The following INTU variants were observed in gnomAD, a reference collection of about 807,000 sequenced individuals.
INTU encodes protein inturned.
Under a neutral mutation model 100.5 loss-of-function variants are expected in INTU, and 68 were observed. The observed-to-expected ratio is 0.68, with a 90% CI of 0.56 to 0.83. The LOEUF (loss-of-function observed/expected upper bound fraction) is 0.83. Ranked by LOEUF, INTU falls within the 40% of genes least tolerant of loss-of-function variation. INTU has a pLI of 0.00. For missense variants in INTU, 1,071 were observed against 1,114.7 expected, an observed-to-expected ratio of 0.96 and a Z score of 0.56; for synonymous variants, 357 against 395.7, an observed-to-expected ratio of 0.90 and a Z score of 1.16.
chr4:127,715,288 G>A (rs1313137129), intron 15 of INTU, among the ~76,000 whole-genome samples: 3 of 152,182 alleles, frequency 2.0e-5, no homozygotes, highest in African/African-American at 4.8e-5. Flanking sequence ...AGTTGGAGTA[G>A]AGGTTGGTGG....
chr4:127,698,052 G>A (rs914086175), intron 8 of INTU, among the ~76,000 whole-genome samples: 5 of 152,072 alleles, frequency 3.3e-5, no homozygotes, highest in South Asian at 2.1e-4. Context: ...CCTGGGAGGC[G>A]GAGGTTGCGG....
At chr4:127,651,165 G>T (rs889303635) in intron 2 of INTU, among the ~76,000 whole-genome samples, 1 of 151,788 alleles carries the variant, frequency 6.6e-6, no homozygotes, top group East Asian at 1.9e-4. Context: ...CCATTTTGTA[G>T]GTTGCCTGTT....
At chr4:127,714,704 T>G (rs1009102252) in intron 15 of INTU, among the ~76,000 whole-genome samples, 1 of 152,170 alleles carries the variant, frequency 6.6e-6, no homozygotes, top group African/African-American at 2.4e-5. Flanking sequence ...TATATGACTC[T>G]TTTATTGTTT....
At chr4:127,688,004 G>A (rs1729912673) in intron 8 of INTU, 137 bp downstream of exon 8, 2 of 533,136 alleles carry the variant, frequency 3.8e-6, no homozygotes, top group Non-Finnish European at 3.1e-6. Flanking sequence ...TGACAAAGTA[G>A]GAGGTCCAGT....
intron 10 of INTU, among the ~76,000 whole-genome samples, chr4:127,705,022 G>T (rs977170275): frequency 6.6e-6 from 1 of 151,980 alleles, no homozygotes; most frequent in African/African-American, 2.4e-5. Flanking sequence ...AACCCGGGAA[G>T]CAGAAGCTGC....
intron 3 of INTU, among the ~76,000 whole-genome samples, chr4:127,662,952 TC>T (rs1728536133): frequency 6.6e-6 from 1 of 152,302 alleles, no homozygotes; most frequent in South Asian, 2.1e-4. Flanking sequence ...TTGTGTGAAG[TC>T]ACTCTTAATG....
chr4:127,695,572 G>T (rs529998276), intron 8 of INTU, among the ~76,000 whole-genome samples: 84 of 152,278 alleles, frequency 5.5e-4, no homozygotes, highest in Middle Eastern at 3.4e-3. Flanking sequence ...AGCATACAGG[G>T]TTAATATAGA....
chr4:127,723,289 A>G lies in INTU; in HGVS notation c.*6853A>G, dbSNP rs1731372856. ...CCAATAAGAGAACTTCAGTATCTCA[A>G]CTGAAGATGCAGAGTTGACTCACAG... On this transcript the variant is annotated 3_prime_UTR_variant, in exon 16 of 16. Coordinates refer to ENST00000335251, the MANE Select transcript of INTU (RefSeq NM_015693.4). The G allele has an allele frequency of 6.6e-6, 1 of 150,808 alleles. No homozygotes were observed. Among genetic ancestry groups the G allele is most frequent in the Admixed American group, 6.7e-5 (1 of 15,032 alleles). 9.3% of individuals were successfully genotyped at this position (150,808 alleles called of 1,614,324 possible). A position where few individuals can be genotyped will look rare whatever the true frequency, so the allele number is the denominator to read the frequency against.
chr4:127,726,099 CATT>C lies in INTU; in HGVS notation c.*9666_*9668del, dbSNP rs1731413119. 1 of 152,118 alleles carries C rather than the reference CATT, an allele frequency of 6.6e-6. No individual in the cohort carries two copies. The highest frequency in any genetic ancestry group is 2.4e-5 in the African/African-American group (1 of 41,408). 9.4% of individuals were successfully genotyped at this position (152,118 alleles called of 1,614,324 possible). ...TTTTTTAAAATATCAAATACTGTCT[CATT>C]ATCATATGTTTAGCCCCCCCAAAAT... On this transcript the variant is annotated 3_prime_UTR_variant, in exon 16 of 16. Transcript: ENST00000335251.
intron 13 of INTU, among the ~76,000 whole-genome samples, chr4:127,709,743 ACAG>A (rs1438348361): frequency 2.6e-5 from 4 of 152,032 alleles, no homozygotes; most frequent in Non-Finnish European, 5.9e-5. Flanking sequence ...ACACACACAC[ACAG>A]TACAGAGCTA....
intron 2 of INTU, among the ~76,000 whole-genome samples, chr4:127,649,023 T>C (rs1265650202): frequency 1.3e-5 from 2 of 152,090 alleles, no homozygotes; most frequent in African/African-American, 4.8e-5. Context: ...CCTAAGAAAG[T>C]ACTCCTGCTT....
chr4:127,640,526 C>A (rs1727263811), intron 1 of INTU, among the ~76,000 whole-genome samples: 1 of 109,262 alleles, frequency 9.2e-6, no homozygotes, highest in Admixed American at 1.1e-4. Context: ...TTGGTATAGT[C>A]TTTTGGGTAA....
At position 127,725,132 on chromosome 4, in the gene INTU, T is replaced by TAAAAAAAAAA. The variant is rs763050553; in HGVS notation, c.*8712_*8721dup. 1 of 79,328 alleles carries TAAAAAAAAAA rather than the reference T, an allele frequency of 1.3e-5. No individual in the cohort carries two copies. Among genetic ancestry groups the TAAAAAAAAAA allele is most frequent in the Non-Finnish European group, 2.7e-5 (1 of 37,010 alleles). 4.9% of individuals were successfully genotyped at this position (79,328 alleles called of 1,614,324 possible). ...GAAACCCTGTCTCTACTAAAAATAC[T>TAAAAAAAAAA]AAAAAAAAAAAAAAAAAAAAAAAAA... is the stretch of plus-strand genomic sequence containing the variant. On this transcript the variant is annotated 3_prime_UTR_variant, in exon 16 of 16. Transcript: ENST00000335251.
At chr4:127,666,238 C>G (rs1244143714) in intron 4 of INTU, among the ~76,000 whole-genome samples, 2 of 152,058 alleles carry the variant, frequency 1.3e-5, no homozygotes, top group African/African-American at 4.8e-5. Flanking sequence ...CTTTGTGACT[C>G]TATACTTGTA....
intron 11 of INTU, 89 bp from the exon 12 acceptor site, chr4:127,706,398 T>C: frequency 9.0e-7 from 1 of 1,110,720 alleles, no homozygotes; most frequent in South Asian, 1.6e-5. Context: ...GGCCTCTATG[T>C]CTTCGATATT....
chr4:127,679,432 A>G (rs1487072641), intron 6 of INTU, among the ~76,000 whole-genome samples: 1 of 152,206 alleles, frequency 6.6e-6, no homozygotes, highest in Non-Finnish European at 1.5e-5. Context: ...TCAAACTACA[A>G]CTCAGGATTA....
chr4:127,702,786 A>G (rs1043655813), intron 9 of INTU, among the ~76,000 whole-genome samples: 3 of 152,084 alleles, frequency 2.0e-5, no homozygotes, highest in African/African-American at 7.2e-5. Flanking sequence ...TCCCCTTTGG[A>G]GTCGACCCCT....
chr4:127,686,522 C>G (rs539886101), intron 7 of INTU: 1 of 152,322 alleles, frequency 6.6e-6, no homozygotes, highest in Admixed American at 6.5e-5. Context: ...GTATTGCAAA[C>G]ACCCTGGCAA....
chr4:127,639,746 T>C (rs1727227230), intron 1 of INTU, among the ~76,000 whole-genome samples: 1 of 152,224 alleles, frequency 6.6e-6, no homozygotes, highest in African/African-American at 2.4e-5. Context: ...TCACCTCATA[T>C]GTTTATCATT....
Sources: allele counts gnomAD v4.1 joint callset (sites outside exome capture counted in the v4.1 genomes callset), GRCh38; gene constraint gnomAD v4.1.1; transcripts MANE v1.5; gene names NCBI Gene and HGNC (gene_info 2026-07-23, HGNC 2026-07-21).